The following HEATR1 variants were observed in gnomAD, a reference collection of about 807,000 sequenced individuals.
The protein encoded by HEATR1 is HEAT repeat containing 1, also known as HEAT repeat-containing protein 1.
Under a neutral mutation model 248.2 loss-of-function variants are expected in HEATR1, and 77 were observed. The ratio of observed to expected loss-of-function variants is 0.31; its 90% CI spans 0.26 to 0.37. The LOEUF is 0.37. HEATR1 is among the 10% of genes least tolerant of loss of function. HEATR1 has a pLI of 1.00. For synonymous variants in HEATR1, 897 were observed against 923.1 expected, an observed-to-expected ratio of 0.97 and a Z score of 0.51; for missense variants, 2,420 against 2,504.9, an observed-to-expected ratio of 0.97 and a Z score of 0.72.
chr1:236,603,393 G>T lies in HEATR1; in HGVS notation c.143-17C>A, dbSNP rs763586078. ...CAGTACATCCTAAATTTCAAAAAAG[G>T]CCAGTTTATTTAACAATTCTTCGTA... On this transcript the variant is annotated splice_polypyrimidine_tract_variant and intron_variant, in intron 2 of 44. Coordinates refer to ENST00000366582, the MANE Select transcript of HEATR1 (RefSeq NM_018072.6). 6.2e-7 allele frequency: 1 copy of T among 1,603,236 alleles called. No individual in the cohort carries two copies. The highest frequency in any genetic ancestry group is 8.5e-7 in the Non-Finnish European group (1 of 1,172,212).
intron 26 of HEATR1, among the ~76,000 whole-genome samples, chr1:236,572,060 T>C (rs1248381890): frequency 6.6e-6 from 1 of 152,146 alleles, no homozygotes. Flanking sequence ...TCTATATATA[T>C]GAAAATATAT....
At chr1:236,574,949 T>A (rs564819623) in intron 22 of HEATR1, 46 bp from the exon 23 acceptor site, 3 of 1,575,776 alleles carry the variant, frequency 1.9e-6, no homozygotes, top group South Asian at 2.3e-5. Flanking sequence ...TATACTGATA[T>A]GTTTTTGCTC....
In HEATR1 at chr1:236,585,226, T is replaced by C. The variant is rs1663854261; in HGVS notation, c.2050-10A>G. On this transcript the variant is annotated splice_polypyrimidine_tract_variant and intron_variant, in intron 16 of 44. Transcript: ENST00000366582. The stretch of plus-strand genomic sequence containing the variant: ...TTATTAAATCCTCCACCTTGAAAAA[T>C]AAACACACTCTATTACCAGTTGCTC... 6.2e-7 allele frequency: 1 copy of C among 1,602,058 alleles called. No homozygotes were observed. Among genetic ancestry groups the C allele is most frequent in the Non-Finnish European group, 8.5e-7 (1 of 1,175,670 alleles).
At chr1:236,571,206 T>C in intron 28 of HEATR1, 145 bp downstream of exon 28, 1 of 995,118 alleles carries the variant, frequency 1.0e-6, no homozygotes, top group Non-Finnish European at 1.4e-6. Context: ...GTCCCAGCTA[T>C]GAAGAGGCAG....
intron 24 of HEATR1, 73 bp downstream of exon 24, chr1:236,574,129 C>A: frequency 1.5e-6 from 2 of 1,352,088 alleles, no homozygotes; most frequent in Non-Finnish European, 2.0e-6. Context: ...AAATACAGGA[C>A]TCTTAAACAT....
At chr1:236,582,498 G>A (rs1206631620) in intron 19 of HEATR1, among the ~76,000 whole-genome samples, 2 of 151,838 alleles carry the variant, frequency 1.3e-5, no homozygotes, top group African/African-American at 2.4e-5. Flanking sequence ...TGCCTCCCGG[G>A]TTCAAGCGAA....
chr1:236,581,122 C>T, intron 20 of HEATR1, 100 bp downstream of exon 20: 2 of 926,368 alleles, frequency 2.2e-6, no homozygotes, highest in Non-Finnish European at 3.2e-6. Flanking sequence ...CTGCCCTCTG[C>T]TATTTTTTTT....
chr1:236,551,728 A>G, intron 44 of HEATR1: 1 of 346,542 alleles, frequency 2.9e-6, no homozygotes, highest in Non-Finnish European at 5.3e-6. Flanking sequence ...TATGATCACA[A>G]ACCACCACAA....
In HEATR1 at chr1:236,557,277, A is replaced by T; in HGVS notation, c.5273T>A (p.Leu1758His). The change falls in exon 37 of 45, where the codon CTC becomes CAC. Residue 1758 changes from leucine (L) to histidine (H), a missense_variant. Coordinates refer to ENST00000366582, the MANE Select transcript of HEATR1 (RefSeq NM_018072.6). ...CTTCTGCAGAGCAGCCAAGGCACTGAGCAGGTAGACCTCGCTGGAGACCAG... is the reference window on the plus strand; with the variant it reads ...CTTCTGCAGAGCAGCCAAGGCACTGTGCAGGTAGACCTCGCTGGAGACCAG... ...SELVSSEVYL[L>H]SALAALQKVV... is the part of the protein sequence containing the mutation. 1 of 1,614,230 alleles carries T rather than the reference A, an allele frequency of 6.2e-7. No individual in the cohort carries two copies. Among genetic ancestry groups the T allele is most frequent in the Non-Finnish European group, 8.5e-7 (1 of 1,180,030 alleles).
At position 236,553,486 on chromosome 1, in the gene HEATR1, G is replaced by C. The variant is rs1662844525; in HGVS notation, c.6237+95C>G. The C allele has an allele frequency of 2.4e-6, 3 of 1,241,502 alleles. No individual in the cohort carries two copies. In the Admixed American group the frequency reaches 6.9e-5, roughly 29 times the overall value. The allele number at this position is 1,241,502 out of a possible 1,614,324, so 76.9% of individuals were successfully genotyped here. A position where few individuals can be genotyped will look rare whatever the true frequency, so the allele number is the denominator to read the frequency against. On this transcript the variant is annotated intron_variant, in intron 43 of 44. Coordinates refer to ENST00000366582, the MANE Select transcript of HEATR1 (RefSeq NM_018072.6). ...CAAATAGCAATGTTCTTCCCTGCCA[G>C]TTTACTAGGGGGCCTACATCTGTGA...
At chr1:236,581,454 T>A (rs1345815590) in intron 19 of HEATR1, 40 bp from the exon 20 acceptor site, 4 of 1,372,866 alleles carry the variant, frequency 2.9e-6, no homozygotes, top group Non-Finnish European at 3.9e-6. Context: ...TAATTCTTAC[T>A]CAAATAAGCT....
chr1:236,576,460 C>A (rs1663564130), intron 21 of HEATR1, 83 bp from the exon 22 acceptor site: 3 of 992,576 alleles, frequency 3.0e-6, no homozygotes, highest in African/African-American at 1.7e-5. Context: ...AGACTCTTAC[C>A]CAAATGATGT....
At chr1:236,588,978 T>A (rs984540374) in intron 12 of HEATR1, among the ~76,000 whole-genome samples, 1 of 152,186 alleles carries the variant, frequency 6.6e-6, no homozygotes, top group African/African-American at 2.4e-5. Flanking sequence ...TAAGCAGCCA[T>A]ATATCTGAAC....
In HEATR1 at chr1:236,594,061, T is replaced by C. The variant is rs762941150; in HGVS notation, c.1144A>G (p.Ile382Val). The C allele has an allele frequency of 4.4e-6, 7 of 1,601,066 alleles. No homozygotes were observed. The highest frequency in any genetic ancestry group is 1.3e-5 in the African/African-American group (1 of 74,256). The change falls in exon 9 of 45, where the codon ATA (isoleucine) becomes GTA (valine). Residue 382 changes from isoleucine (I) to valine (V), a missense_variant. By Grantham distance (29) the Ile-to-Val change is conservative (BLOSUM62 3). Coordinates refer to ENST00000366582, the MANE Select transcript of HEATR1 (RefSeq NM_018072.6). ...TTCTTCAGTGATATTTTTGTAAGTA[T>C]AGCTTCTAAGTGTCTCTTGTAGATT... ...GQIYKRHLEA[I>V]LTKISLKNNL... is the part of the protein sequence containing the mutation.
At position 236,576,242 on chromosome 1, in the gene HEATR1, C is replaced by T. The variant is rs1230563705; in HGVS notation, c.3061G>A (p.Val1021Ile). 4 of 1,604,056 alleles carry T rather than the reference C, an allele frequency of 2.5e-6. No homozygotes were observed. Among genetic ancestry groups the T allele is most frequent in the South Asian group, 1.1e-5 (1 of 88,430 alleles). ...ACCTCACCGTTGACTCCCTGAAGTA[C>T]TTTCATCAAATCTTTTGCTATATAA... ...PSYIAKDLMK[V>I]LQGVNGEMVL... Residue 1021 changes from valine to isoleucine, a missense_variant, in exon 22 of 45, where the codon GTA becomes ATA. By Grantham distance (29) the Val-to-Ile change is conservative. Coordinates refer to ENST00000366582, the MANE Select transcript of HEATR1 (RefSeq NM_018072.6).
At chr1:236,569,172 A>C in intron 28 of HEATR1, 48 bp from the exon 29 acceptor site, 3 of 1,494,272 alleles carry the variant, frequency 2.0e-6, no homozygotes, top group Non-Finnish European at 2.7e-6. Context: ...GTTAATTTCT[A>C]CTAATTTTTT....
At chr1:236,580,151 GCATT>G (rs780749012) in intron 20 of HEATR1, among the ~76,000 whole-genome samples, 5 of 151,920 alleles carry the variant, frequency 3.3e-5, no homozygotes, top group South Asian at 2.1e-4. Flanking sequence ...TTTCAATATC[GCATT>G]CATTGTTTCA....
chr1:236,570,557 C>G (rs932894394), intron 28 of HEATR1, among the ~76,000 whole-genome samples: 1 of 151,998 alleles, frequency 6.6e-6, no homozygotes, highest in Non-Finnish European at 1.5e-5. Flanking sequence ...GATGAAAATA[C>G]TCTTCAAGTA....
rs760867644 is a variant in HEATR1 at position 236,565,990 on chromosome 1, C to T, written c.4364G>A (p.Ser1455Asn). ...CAAGCTTTGTATCTGATGCTGGACA[C>T]TAAACTCACAACAGACTGAAAACCA... ...EFWFSVCCEF[S>N]VQHQIQSLMN... The change falls in exon 31 of 45, where the codon AGT (serine) becomes AAT (asparagine). Residue 1455 changes from serine to asparagine, a missense_variant. Physicochemically the swap from Ser to Asn is conservative, Grantham distance 46. Transcript: ENST00000366582. 1 of 1,613,864 alleles carries T rather than the reference C, an allele frequency of 6.2e-7. No homozygotes were observed. Among genetic ancestry groups the T allele is most frequent in the East Asian group, 2.2e-5 (1 of 44,858 alleles).
Sources: allele counts gnomAD v4.1 joint callset (sites outside exome capture counted in the v4.1 genomes callset), GRCh38; gene constraint gnomAD v4.1.1; transcripts MANE v1.5; gene names NCBI Gene and HGNC (gene_info 2026-07-23, HGNC 2026-07-21).